The following PRKAG2 variants were observed in gnomAD, a reference collection of about 807,000 sequenced individuals.
The protein encoded by PRKAG2 is protein kinase AMP-activated non-catalytic subunit gamma 2.
In PRKAG2, 26 loss-of-function variants were observed where a neutral mutation model predicts 69.6. The ratio of observed to expected loss-of-function variants is 0.37; its 90% CI spans 0.27 to 0.52. The LOEUF (loss-of-function observed/expected upper bound fraction) is 0.52. PRKAG2 is among the 20% of genes least tolerant of loss of function. PRKAG2 has a pLI of 0.90. For synonymous variants in PRKAG2, 293 were observed against 285.0 expected (o/e 1.03, Z -0.28); for missense variants, 557 against 740.0 (o/e 0.75, Z 2.87).
intron 1 of PRKAG2, among the ~76,000 whole-genome samples, chr7:151,862,951 A>G (rs2079970057): frequency 2.7e-5 from 4 of 149,678 alleles, no homozygotes; most frequent in South Asian, 2.1e-4. Flanking sequence ...TGCAGGGAGC[A>G]CTGGTAGATC....
At chr7:151,809,320 G>A (rs2078295373) in intron 1 of PRKAG2, 9 of 454,480 alleles carry the variant, frequency 2.0e-5, no homozygotes, top group South Asian at 1.4e-4. Context: ...TCAGCAGCGG[G>A]GATCATCCAG....
chr7:151,768,927 T>A (rs1221597520), intron 3 of PRKAG2, among the ~76,000 whole-genome samples: 1 of 152,226 alleles, frequency 6.6e-6, no homozygotes, highest in Admixed American at 6.5e-5. Context: ...CCACTCCTAA[T>A]CCAATCCCCA....
intron 3 of PRKAG2, among the ~76,000 whole-genome samples, chr7:151,728,061 G>A (rs536677043): frequency 6.6e-6 from 1 of 152,120 alleles, no homozygotes; most frequent in African/African-American, 2.4e-5. Context: ...ATCCCTCCAG[G>A]CCCAGCAGAG....
chr7:151,697,685 G>A (rs977543480), intron 3 of PRKAG2, among the ~76,000 whole-genome samples: 2 of 152,126 alleles, frequency 1.3e-5, no homozygotes, highest in South Asian at 2.1e-4. Flanking sequence ...GAATGGGCAC[G>A]GCTGGGATAC....
intron 1 of PRKAG2, among the ~76,000 whole-genome samples, chr7:151,795,681 C>T (rs1344519760): frequency 2.6e-4 from 40 of 151,756 alleles, no homozygotes; most frequent in Non-Finnish European, 2.9e-5. Flanking sequence ...GTGGGCCTCC[C>T]CCAATCCGCA....
Position 151,807,803 on chromosome 7 carries a change from G to A in PRKAG2, c.115-21262C>T, listed in dbSNP as rs2078193580. Among the ~76,000 whole-genome samples the A allele has an allele frequency of 6.6e-6, 1 of 152,296 alleles. No individual in the cohort carries two copies. The highest frequency in any genetic ancestry group is 1.9e-4 in the East Asian group (1 of 5,190). On this transcript the variant is annotated intron_variant, in intron 1 of 15. Coordinates refer to ENST00000287878, the MANE Select transcript of PRKAG2 (RefSeq NM_016203.4). This position sits in a 1 kb window ranked among gnomAD's most constrained non-coding sequence, Gnocchi z 4.4. ...CGGGTTATTGGATTAGCTACTCTCAGAAGACCCAAAAGGCATAGGGGAGAG... is the reference window on the plus strand; with the variant it reads ...CGGGTTATTGGATTAGCTACTCTCAAAAGACCCAAAAGGCATAGGGGAGAG...
intron 10 of PRKAG2, among the ~76,000 whole-genome samples, chr7:151,569,244 A>C (rs2151010569): frequency 6.6e-6 from 1 of 152,312 alleles, no homozygotes; most frequent in Non-Finnish European, 1.5e-5. Context: ...CACGTTGCCC[A>C]GGCTGCTCTC....
At chr7:151,709,302 T>C (rs1043066726) in intron 3 of PRKAG2, among the ~76,000 whole-genome samples, 17 of 85,988 alleles carry the variant, frequency 2.0e-4, no homozygotes, top group Admixed American at 2.5e-4. Flanking sequence ...CTGTATGACA[T>C]TGACACTGAC....
rs754022461 is a variant in PRKAG2, at chr7:151,777,919, T to G, written c.466+3233A>C. ...AGGTGTAGTTTCTATGATCTCGTAC[T>G]GCTCTGGGGTCATGGAGCCAGAGGT... is the stretch of plus-strand genomic sequence containing the variant. On this transcript the variant is annotated intron_variant, in intron 3 of 15. Coordinates refer to ENST00000287878, the MANE Select transcript of PRKAG2 (RefSeq NM_016203.4). This position sits in a 1 kb window ranked among gnomAD's most constrained non-coding sequence, Gnocchi z 4.3. 2.0e-5 allele frequency among the ~76,000 whole-genome samples: 3 copies of G among 152,178 alleles called. No individual in the cohort carries two copies. Among genetic ancestry groups the G allele is most frequent in the African/African-American group, 2.4e-5 (1 of 41,450 alleles).
chr7:151,627,141 A>G (rs931398132), intron 5 of PRKAG2, among the ~76,000 whole-genome samples: 15 of 152,208 alleles, frequency 9.9e-5, no homozygotes, highest in African/African-American at 3.1e-4. Flanking sequence ...AACGACAGCA[A>G]TAACAACAAA....
intron 5 of PRKAG2, among the ~76,000 whole-genome samples, chr7:151,602,993 C>T (rs1816490710): frequency 6.6e-6 from 1 of 152,226 alleles, no homozygotes; most frequent in East Asian, 1.9e-4. Context: ...ATAAATTACC[C>T]ACCCAGTCTC....
chr7:151,697,352 C>T (rs1280907540), intron 3 of PRKAG2, among the ~76,000 whole-genome samples: 1 of 152,024 alleles, frequency 6.6e-6, no homozygotes, highest in Non-Finnish European at 1.5e-5. Context: ...GCTGGGTGCC[C>T]AGCAGGGGTA....
chr7:151,600,432 T>C (rs575994247), intron 5 of PRKAG2, among the ~76,000 whole-genome samples: 1 of 152,364 alleles, frequency 6.6e-6, no homozygotes, highest in Admixed American at 6.5e-5. Flanking sequence ...TGGACATCCA[T>C]GCAGCTGGTT....
chr7:151,789,047 T>G (rs1380068401), intron 1 of PRKAG2, among the ~76,000 whole-genome samples: 1 of 152,256 alleles, frequency 6.6e-6, no homozygotes, highest in Non-Finnish European at 1.5e-5. Context: ...TTTTGATTAT[T>G]GTGGCCTTAT....
chr7:151,557,407 C>T (rs185606011), intron 15 of PRKAG2, 175 bp from the exon 16 acceptor site: 203 of 985,190 alleles, frequency 2.1e-4, no homozygotes, highest in Middle Eastern at 1.6e-3. Context: ...CCCAATCGTT[C>T]GGGCAGCTTG....
At chr7:151,587,588 T>C (rs1811995766) in intron 6 of PRKAG2, among the ~76,000 whole-genome samples, 1 of 152,226 alleles carries the variant, frequency 6.6e-6, no homozygotes, top group South Asian at 2.1e-4. Context: ...AAGGGCACTT[T>C]ACCTCTCTCT....
chr7:151,586,333 A>AT (rs3838328), intron 6 of PRKAG2, among the ~76,000 whole-genome samples: 16 of 150,998 alleles, frequency 1.1e-4, no homozygotes, highest in East Asian at 3.9e-4. Flanking sequence ...TCTCCTGTAA[A>AT]TTTTTTTTTT....
At chr7:151,855,752 G>T (rs2079758646) in intron 1 of PRKAG2, among the ~76,000 whole-genome samples, 1 of 152,186 alleles carries the variant, frequency 6.6e-6, no homozygotes, top group Non-Finnish European at 1.5e-5. Context: ...CAGGCAGAGG[G>T]GTGGGGGCGG....
At chr7:151,636,851 C>A (rs138933852) in intron 4 of PRKAG2, among the ~76,000 whole-genome samples, 119 of 152,196 alleles carry the variant, frequency 7.8e-4, no homozygotes, top group African/African-American at 2.4e-3. Flanking sequence ...ACTACAGGTG[C>A]GCACAACCAT....
Sources: allele counts gnomAD v4.1 joint callset (sites outside exome capture counted in the v4.1 genomes callset), GRCh38; gene constraint gnomAD v4.1.1; non-coding constraint Gnocchi (gnomAD v3.1); transcripts MANE v1.5; gene names NCBI Gene and HGNC (gene_info 2026-07-23, HGNC 2026-07-21).